The following CHST11 variants were observed in gnomAD, a reference collection of about 807,000 sequenced individuals.
CHST11 encodes carbohydrate sulfotransferase 11.
In CHST11, 9 loss-of-function variants were observed where a neutral mutation model predicts 30.4. That is an observed-to-expected ratio of 0.30 (90% CI 0.18 to 0.52). The LOEUF is 0.52. Among genes scored for constraint, CHST11 ranks in the 20% least tolerant of loss-of-function variants. The pLI, the probability that CHST11 is intolerant of heterozygous loss-of-function variation, is 0.97. For missense variants in CHST11, 348 were observed against 460.6 expected (o/e 0.76, Z 2.24); for synonymous variants, 152 against 187.8 (o/e 0.81, Z 1.56).
At chr12:104,636,111 T>C (rs1189585427) in intron 2 of CHST11, among the ~76,000 whole-genome samples, 2 of 152,240 alleles carry the variant, frequency 1.3e-5, no homozygotes, top group Admixed American at 6.5e-5. Context: ...TATTGAGGCC[T>C]GGAGAGTTCA....
At chr12:104,637,719 C>G (rs929299304) in intron 2 of CHST11, among the ~76,000 whole-genome samples, 3 of 152,146 alleles carry the variant, frequency 2.0e-5, no homozygotes, top group Non-Finnish European at 4.4e-5. Context: ...ATTTTGTTGC[C>G]GGAGAGACTG....
rs56859963 is a variant in CHST11, at chr12:104,571,164, AT to A, written c.119-30726del. On this transcript the variant is annotated intron_variant, in intron 1 of 2. Transcript: ENST00000303694. ...GTAGTTTGTCTTTGGAGGACAGACA[AT>A]TTTTTTTTTTTTTTTGAGATGGAGT... is the stretch of plus-strand genomic sequence containing the variant. 4.6e-3 allele frequency among the ~76,000 whole-genome samples: 662 copies of A among 142,806 alleles called. 10 individuals carry two copies. Among genetic ancestry groups the A allele is most frequent in the East Asian group, 0.014 (68 of 4,800 alleles). 93.7% of individuals were successfully genotyped at this position (142,806 alleles called of 152,430 possible). A position where few individuals can be genotyped will look rare whatever the true frequency, so the allele number is the denominator to read the frequency against.
chr12:104,620,768 C>G lies in CHST11; in HGVS notation c.204+18777C>G, dbSNP rs565361816. Among the ~76,000 whole-genome samples, 5 of 152,242 alleles carry G rather than the reference C, an allele frequency of 3.3e-5. No individual in the cohort carries two copies. In the South Asian group the frequency reaches 1.0e-3, roughly 32 times the overall value. On this transcript the variant is annotated intron_variant, in intron 2 of 2. Transcript: ENST00000303694. ...CAGAGACTAGCATAGAACATTGTGACTTTCTTTTCACTAACACAAAACAAA... is the reference window on the plus strand; with the variant it reads ...CAGAGACTAGCATAGAACATTGTGAGTTTCTTTTCACTAACACAAAACAAA...
intron 2 of CHST11, among the ~76,000 whole-genome samples, chr12:104,658,731 G>A (rs1033215250): frequency 1.3e-5 from 2 of 152,022 alleles, no homozygotes; most frequent in African/African-American, 2.4e-5. Context: ...TACCCTGTTC[G>A]CTCCATAATA....
intron 1 of CHST11, among the ~76,000 whole-genome samples, chr12:104,487,335 C>T (rs1196951862): frequency 2.0e-5 from 3 of 152,194 alleles, no homozygotes; most frequent in Non-Finnish European, 4.4e-5. Flanking sequence ...GATCATAGCT[C>T]ACTGCAGCCT....
At chr12:104,489,456 G>A (rs954345146) in intron 1 of CHST11, among the ~76,000 whole-genome samples, 3 of 152,058 alleles carry the variant, frequency 2.0e-5, no homozygotes, top group African/African-American at 4.8e-5. Flanking sequence ...GTCCTTGGGG[G>A]TAGGAATACC....
In CHST11 at chr12:104,757,414, G is replaced by C. The variant is rs148230565; in HGVS notation, c.670G>C (p.Ala224Pro). 5,982 of 1,613,938 alleles carry C rather than the reference G, an allele frequency of 3.7e-3. 19 individuals carry two copies. The highest frequency in any genetic ancestry group is 4.5e-3 in the Non-Finnish European group (5,271 of 1,179,988). Residue 224 changes from alanine (A) to proline (P), a missense_variant, in exon 3 of 3, where the codon GCC (alanine) becomes CCC (proline). Transcript: ENST00000303694. This position sits in a 1 kb window ranked among gnomAD's most constrained non-coding sequence, Gnocchi z 6.5. The stretch of plus-strand genomic sequence containing the variant: ...GATCATCAAACGCCAGCGGAAGAAC[G>C]CCACCCAGGAGGCCCTGCGCAAAGG... ...TKIIKRQRKN[A>P]TQEALRKGDD...
intron 2 of CHST11, among the ~76,000 whole-genome samples, chr12:104,638,556 G>A (rs1055938894): frequency 2.0e-5 from 3 of 152,186 alleles, no homozygotes; most frequent in Non-Finnish European, 2.9e-5. Flanking sequence ...GTACGTGGGG[G>A]TGATTTGGGT....
chr12:104,671,531 T>A (rs1405302540), intron 2 of CHST11, among the ~76,000 whole-genome samples: 1 of 152,072 alleles, frequency 6.6e-6, no homozygotes, highest in South Asian at 2.1e-4. Context: ...CTGTGATCGG[T>A]CTAGGAAGTC....
intron 2 of CHST11, among the ~76,000 whole-genome samples, chr12:104,665,813 T>TC (rs1491283032): frequency 2.4e-5 from 1 of 41,102 alleles, no homozygotes; most frequent in Non-Finnish European, 4.9e-5. Context: ...TCTCTGTCTC[T>TC]TTTTTTTTTT....
chr12:104,750,587 G>A (rs866225745), intron 2 of CHST11, among the ~76,000 whole-genome samples: 1 of 151,278 alleles, frequency 6.6e-6, no homozygotes, highest in Non-Finnish European at 1.5e-5. Flanking sequence ...GGGAGTACAG[G>A]TGTCTGCCAC....
At chr12:104,607,851 A>G (rs2039022016) in intron 2 of CHST11, among the ~76,000 whole-genome samples, 1 of 152,046 alleles carries the variant, frequency 6.6e-6, no homozygotes, top group African/African-American at 2.4e-5. Flanking sequence ...GCCCACAAAA[A>G]CTGGCGTGCA....
chr12:104,711,044 T>C (rs1428931279), intron 2 of CHST11, among the ~76,000 whole-genome samples: 1 of 152,224 alleles, frequency 6.6e-6, no homozygotes, highest in Non-Finnish European at 1.5e-5. Context: ...AAAACTTCCA[T>C]TTTAACATCC....
chr12:104,668,578 G>C (rs1326766407), intron 2 of CHST11, among the ~76,000 whole-genome samples: 1 of 152,214 alleles, frequency 6.6e-6, no homozygotes, highest in Non-Finnish European at 1.5e-5. Context: ...GCTGTGTTGT[G>C]CAGAAGGGAA....
Position 104,526,876 on chromosome 12 carries a change from T to C in CHST11, c.118+69347T>C, listed in dbSNP as rs12317943. 8.3e-3 allele frequency among the ~76,000 whole-genome samples: 1,259 copies of C among 152,326 alleles called. 19 individuals are homozygous for C. The highest frequency in any genetic ancestry group is 0.029 in the African/African-American group (1,201 of 41,558). ...GCGGTGAATAATAAGGGGTTGAGTCTTGAGCAAGATGGCCCATACCTTGTC... is the reference window on the plus strand; with the variant it reads ...GCGGTGAATAATAAGGGGTTGAGTCCTGAGCAAGATGGCCCATACCTTGTC... On this transcript the variant is annotated intron_variant, in intron 1 of 2. Coordinates refer to ENST00000303694, the MANE Select transcript of CHST11 (RefSeq NM_018413.6).
intron 1 of CHST11, among the ~76,000 whole-genome samples, chr12:104,486,655 A>G (rs1160242171): frequency 1.3e-5 from 2 of 152,166 alleles, no homozygotes; most frequent in Non-Finnish European, 2.9e-5. Context: ...TTTAATGACC[A>G]CACACGAAAG....
intron 1 of CHST11, among the ~76,000 whole-genome samples, chr12:104,549,358 A>T (rs1230977773): frequency 6.6e-6 from 1 of 152,222 alleles, no homozygotes; most frequent in Non-Finnish European, 1.5e-5. Flanking sequence ...CAGGCAAAAT[A>T]TATAGAATAA....
intron 1 of CHST11, among the ~76,000 whole-genome samples, chr12:104,569,740 A>G (rs544099679): frequency 1.2e-3 from 189 of 152,294 alleles, no homozygotes; most frequent in African/African-American, 4.2e-3. Flanking sequence ...CCACAGGGGA[A>G]TAAGTCCTGC....
At chr12:104,530,670 A>G (rs2038174473) in intron 1 of CHST11, among the ~76,000 whole-genome samples, 2 of 152,218 alleles carry the variant, frequency 1.3e-5, no homozygotes, top group Admixed American at 1.3e-4. Flanking sequence ...TATTCTTTCC[A>G]CTCACTTTTG....
Sources: allele counts gnomAD v4.1 joint callset (sites outside exome capture counted in the v4.1 genomes callset), GRCh38; gene constraint gnomAD v4.1.1; non-coding constraint Gnocchi (gnomAD v3.1); transcripts MANE v1.5; gene names NCBI Gene and HGNC (gene_info 2026-07-23, HGNC 2026-07-21).